CFH: variants seen among roughly 807,000 people sequenced by gnomAD.
The protein encoded by CFH is H factor 1 (complement).
CFH carries 53 observed loss-of-function variants against 147.3 expected under a neutral mutation model. That is an observed-to-expected ratio of 0.36 (90% CI 0.29 to 0.45). The LOEUF (loss-of-function observed/expected upper bound fraction) is 0.45, where lower values mean the gene tolerates loss of function less well. Among genes scored for constraint, CFH ranks in the 20% least tolerant of loss-of-function variants. The pLI, the probability that CFH is intolerant of heterozygous loss-of-function variation, is 1.00. For synonymous variants in CFH, 536 were observed against 489.4 expected (o/e 1.10, Z -1.26); for missense variants, 1,380 against 1,498.0 (o/e 0.92, Z 1.30).
Position 196,747,453 on chromosome 1 carries a change from G to A in CFH, c.*140G>A, listed in dbSNP as rs1653056338. On this transcript the variant is annotated 3_prime_UTR_variant, in exon 22 of 22. Transcript: ENST00000367429. ...ATTTGTGAAAATGTAATTATAAGCTGAGACCGGTGGCTCTCTTCTTAAAAG... is the reference window on the plus strand; with the variant it reads ...ATTTGTGAAAATGTAATTATAAGCTAAGACCGGTGGCTCTCTTCTTAAAAG... 1 of 934,964 alleles carries A rather than the reference G, an allele frequency of 1.1e-6. No homozygotes were observed. Among genetic ancestry groups the A allele is most frequent in the Non-Finnish European group, 1.7e-6 (1 of 597,974 alleles). 57.9% of individuals were successfully genotyped at this position (934,964 alleles called of 1,614,324 possible).
intron 1 of CFH, among the ~76,000 whole-genome samples, chr1:196,665,727 G>A (rs1311803889): frequency 6.6e-6 from 1 of 152,018 alleles, no homozygotes. Context: ...CCTGCCTCAC[G>A]CCCCCACGTA....
Position 196,677,613 on chromosome 1 carries a change from G to A in CFH, c.565G>A (p.Glu189Lys), listed in dbSNP as rs121913054. ...NSGYKIEGDE[E>K]MHCSDDGFWS... ...AGGCTACAAGATTGAAGGAGATGAAGAAATGCATTGTTCAGACGATGGTTT... is the reference window on the plus strand; with the variant it reads ...AGGCTACAAGATTGAAGGAGATGAAAAAATGCATTGTTCAGACGATGGTTT... Residue 189 changes from glutamate (E) to lysine (K), a missense_variant, in exon 5 of 22, where the codon GAA becomes AAA. Physicochemically the swap from Glu to Lys is moderately conservative, Grantham distance 56 (BLOSUM62 1). This residue lies in a region of CFH where 260 missense variants were observed against 263.3 expected (regional missense o/e 0.99). Coordinates refer to ENST00000367429, the MANE Select transcript of CFH (RefSeq NM_000186.4). The A allele has an allele frequency of 6.8e-6, 11 of 1,612,400 alleles. No homozygotes were observed. The African/African-American group carries it at 1.3e-4, about 20-fold the overall frequency.
At chr1:196,683,151 A>C (rs1470343686) in intron 6 of CFH, among the ~76,000 whole-genome samples, 2 of 151,594 alleles carry the variant, frequency 1.3e-5, no homozygotes, top group African/African-American at 4.8e-5. Context: ...GAAAATAATA[A>C]GATATAAAAG....
In CFH at chr1:196,677,566, C is replaced by T; in HGVS notation, c.518C>T (p.Ala173Val). 1.2e-6 allele frequency: 2 copies of T among 1,613,196 alleles called. No homozygotes were observed. The highest frequency in any genetic ancestry group is 1.1e-5 in the South Asian group (1 of 91,064). The part of the protein sequence containing the change: ...EPDREYHFGQ[A>V]VRFVCNSGYK... Reference sequence around the variant, plus strand: ...GATCGGGAATACCATTTTGGACAAGCAGTACGGTTTGTATGTAACTCAGGC... The same window carrying T: ...GATCGGGAATACCATTTTGGACAAGTAGTACGGTTTGTATGTAACTCAGGC... Residue 173 changes from alanine (A) to valine (V), a missense_variant, in exon 5 of 22, where the codon GCA becomes GTA. Ala to Val is a moderately conservative substitution (Grantham distance 64). This residue lies in a region of CFH where 260 missense variants were observed against 263.3 expected (regional missense o/e 0.99). Coordinates refer to ENST00000367429, the MANE Select transcript of CFH (RefSeq NM_000186.4).
At chr1:196,725,058 G>T (rs1473172676) in intron 11 of CFH, 63 bp from the exon 12 acceptor site, 1 of 1,413,378 alleles carries the variant, frequency 7.1e-7, no homozygotes, top group Admixed American at 1.9e-5. Context: ...TGTGGCATAT[G>T]TAAAATTAAC....
intron 4 of CFH, chr1:196,677,165 T>G: frequency 3.8e-6 from 1 of 259,908 alleles, no homozygotes; most frequent in Non-Finnish European, 7.5e-6. Context: ...AATGAAAATG[T>G]ATTTAATTAT....
chr1:196,661,157 C>T (rs1180468600), intron 1 of CFH, among the ~76,000 whole-genome samples: 1 of 151,890 alleles, frequency 6.6e-6, no homozygotes, highest in African/African-American at 2.4e-5. Flanking sequence ...TTATAAACAT[C>T]GAAATAGTGC....
chr1:196,665,334 ATATT>A (rs756265984), intron 1 of CFH, among the ~76,000 whole-genome samples: 17 of 150,456 alleles, frequency 1.1e-4, no homozygotes, highest in Non-Finnish European at 2.2e-4. Context: ...TCCTTTTTTG[ATATT>A]TATTCATACT....
chr1:196,700,872 C>T (rs1668431143), intron 9 of CFH: 13 of 985,184 alleles, frequency 1.3e-5, no homozygotes, highest in Non-Finnish European at 1.6e-5. Flanking sequence ...GCAGAGAAAC[C>T]ATTTCTGGTC....
chr1:196,690,008 A>G, intron 8 of CFH, 55 bp from the exon 9 acceptor site: 1 of 1,499,212 alleles, frequency 6.7e-7, no homozygotes, highest in Non-Finnish European at 9.1e-7. Flanking sequence ...TACTATTTTG[A>G]GCAAATTTAT....
At chr1:196,741,727 A>T (rs1432228217) in intron 18 of CFH, 148 bp from the exon 19 acceptor site, 1 of 674,386 alleles carries the variant, frequency 1.5e-6, no homozygotes, top group African/African-American at 1.8e-5. Context: ...TTAAGACAAA[A>T]TGGCTAATAT....
At position 196,671,585 on chromosome 1, in the gene CFH, A is replaced by AACACAC. The variant is rs1364352039; in HGVS notation, c.59-1392_59-1391insCACACA. Among the ~76,000 whole-genome samples, 80 of 95,822 alleles carry AACACAC rather than the reference A, an allele frequency of 8.3e-4. 2 individuals carry two copies. The East Asian group carries it at 0.026, about 31-fold the overall frequency. The allele number at this position is 95,822 out of a possible 152,430, so 62.9% of individuals were successfully genotyped here. A position where few individuals can be genotyped will look rare whatever the true frequency, so the allele number is the denominator to read the frequency against. On this transcript the variant is annotated intron_variant, in intron 1 of 21. Coordinates refer to ENST00000367429, the MANE Select transcript of CFH (RefSeq NM_000186.4). ...TTGGTTTCTTCTATCTCAAAAGACT[A>AACACAC]ATACACACACACACACACACACACA...
intron 14 of CFH, among the ~76,000 whole-genome samples, chr1:196,727,274 A>G (rs1351728841): frequency 6.6e-6 from 1 of 152,118 alleles, no homozygotes; most frequent in South Asian, 2.1e-4. Flanking sequence ...GGCCAAGGCA[A>G]GAAGATTGCT....
chr1:196,676,310 A>AT (rs1667451459), intron 4 of CFH, among the ~76,000 whole-genome samples: 1 of 152,102 alleles, frequency 6.6e-6, no homozygotes, highest in Admixed American at 6.6e-5. Context: ...TCTAAAACTG[A>AT]TTTTTATTTC....
At chr1:196,728,549 T>A in intron 15 of CFH, 27 bp downstream of exon 15, 15 of 1,606,738 alleles carry the variant, frequency 9.3e-6, no homozygotes, top group Non-Finnish European at 1.3e-5. Flanking sequence ...TTTTCAGAAA[T>A]GTATTCTATT....
At chr1:196,689,288 A>G in intron 7 of CFH, 132 bp from the exon 8 acceptor site, 2 of 813,842 alleles carry the variant, frequency 2.5e-6, no homozygotes, top group Non-Finnish European at 1.9e-6. Flanking sequence ...ATTTGTTTTG[A>G]CCTAGAAACC....
At chr1:196,724,772 C>T (rs1027256532) in intron 11 of CFH, among the ~76,000 whole-genome samples, 10 of 152,116 alleles carry the variant, frequency 6.6e-5, no homozygotes, top group Admixed American at 3.9e-4. Context: ...GGTCTATATG[C>T]ACTTTTCTTT....
At chr1:196,704,116 C>T (rs1227994484) in intron 9 of CFH, among the ~76,000 whole-genome samples, 2 of 151,436 alleles carry the variant, frequency 1.3e-5, no homozygotes, top group Non-Finnish European at 1.5e-5. Context: ...CTTGCCCTAT[C>T]GCCCAGGCTG....
chr1:196,727,386 T>C (rs1669170904), intron 14 of CFH, among the ~76,000 whole-genome samples: 1 of 152,004 alleles, frequency 6.6e-6, no homozygotes, highest in South Asian at 2.1e-4. Flanking sequence ...ATGCCTGTAA[T>C]CCAGCTACTT....
Sources: gnomAD v4.1 joint callset for allele counts (sites outside exome capture counted in the v4.1 genomes callset) on GRCh38, gnomAD v4.1.1 for gene constraint, gnomAD v4.1.1 regional missense constraint, MANE v1.5 for transcripts, NCBI Gene and HGNC (gene_info 2026-07-23, HGNC 2026-07-21) for gene names.